Variants in A2ML1 observed in about 807,000 individuals in gnomAD.
A2ML1 encodes the protein alpha-2-macroglobulin-like protein 1.
Under a neutral mutation model 181.9 loss-of-function variants are expected in A2ML1, and 161 were observed. That is an observed-to-expected ratio of 0.89 (90% CI 0.78 to 1.01). The LOEUF (loss-of-function observed/expected upper bound fraction) is 1.01. Ranked by LOEUF, A2ML1 falls within the 50% of genes least tolerant of loss-of-function variation. A2ML1 has a pLI of 0.00. For synonymous variants in A2ML1, 663 were observed against 666.8 expected (o/e 0.99, Z 0.09); for missense variants, 1,670 against 1,768.1 (o/e 0.94, Z 1.00).
At chr12:8,874,574 C>A in intron 34 of A2ML1, 47 bp downstream of exon 34, 1 of 1,434,298 alleles carries the variant, frequency 7.0e-7, no homozygotes, top group South Asian at 1.2e-5. Context: ...ACCTGCATCT[C>A]CCAACTTACT....
chr12:8,823,611 TA>T lies in A2ML1; in HGVS notation c.247-108del, dbSNP rs1445576509. 7.2e-6 allele frequency: 9 copies of T among 1,258,244 alleles called. No individual in the cohort carries two copies. In the African/African-American group the frequency reaches 1.4e-4, roughly 19 times the overall value. 77.9% of individuals were successfully genotyped at this position (1,258,244 alleles called of 1,614,324 possible). A position where few individuals can be genotyped will look rare whatever the true frequency, so the allele number is the denominator to read the frequency against. On this transcript the variant is annotated intron_variant, in intron 2 of 35. Coordinates refer to ENST00000299698, the MANE Select transcript of A2ML1 (RefSeq NM_144670.6). ...ATTTGTTTTATGTCTCTATCCTTGC[TA>T]CCCCCATCTAACTCAGCTCTTTCCT...
chr12:8,852,355 A>G lies in A2ML1; in HGVS notation c.2590+19A>G, dbSNP rs368826484. On this transcript the variant is annotated intron_variant, in intron 20 of 35. Transcript: ENST00000299698. This position sits in a 1 kb window ranked among gnomAD's most constrained non-coding sequence, Gnocchi z 4.2. The stretch of plus-strand genomic sequence containing the variant: ...AAATTGGGTAAGAGAGGGAAGTGGT[A>G]GACGGGCGAGGAAAGCCAGCAGCAG... 241 of 1,613,694 alleles carry G rather than the reference A, an allele frequency of 1.5e-4. No homozygotes were observed. The highest frequency in any genetic ancestry group is 1.1e-4 in the Non-Finnish European group (128 of 1,179,774).
rs1295316421 is a variant in A2ML1, at chr12:8,876,708, C to G, written c.*652C>G. The G allele has an allele frequency of 2.0e-5, 3 of 152,068 alleles. No homozygotes were observed. Among genetic ancestry groups the G allele is most frequent in the African/African-American group, 7.2e-5 (3 of 41,506 alleles). 9.4% of individuals were successfully genotyped at this position (152,068 alleles called of 1,614,324 possible). A position where few individuals can be genotyped will look rare whatever the true frequency, so the allele number is the denominator to read the frequency against. ...AAATAATAATAATAATAATGTTTTT[C>G]TAGAGTTTCAGTCTAAGGGAAAATG... On this transcript the variant is annotated 3_prime_UTR_variant, in exon 36 of 36. Coordinates refer to ENST00000299698, the MANE Select transcript of A2ML1 (RefSeq NM_144670.6).
chr12:8,824,513 CTT>C (rs1422354057), intron 3 of A2ML1, among the ~76,000 whole-genome samples: 3 of 151,892 alleles, frequency 2.0e-5, no homozygotes, highest in African/African-American at 7.3e-5. Flanking sequence ...ATTATACTCT[CTT>C]AGTAATTTTT....
intron 29 of A2ML1, among the ~76,000 whole-genome samples, chr12:8,865,886 A>C (rs992686398): frequency 1.3e-5 from 2 of 152,200 alleles, no homozygotes. Flanking sequence ...TAACTAAGAA[A>C]ATATATTTCT....
chr12:8,852,121 A>T lies in A2ML1; in HGVS notation c.2464-89A>T. ...CAATTTTCCCTGGGAAAGAGAGGAG[A>T]TGTCGGCGTCTCAGCCCCCAGGTTT... On this transcript the variant is annotated intron_variant, in intron 19 of 35. Coordinates refer to ENST00000299698, the MANE Select transcript of A2ML1 (RefSeq NM_144670.6). The surrounding 1 kb of genome is among the most constrained non-coding windows in gnomAD (Gnocchi z 4.2). 1.9e-6 allele frequency: 3 copies of T among 1,590,292 alleles called. No individual in the cohort carries two copies. Among genetic ancestry groups the T allele is most frequent in the Non-Finnish European group, 2.6e-6 (3 of 1,164,822 alleles).
At chr12:8,847,098 CTTTTTTTTTT>C (rs1212257948) in intron 14 of A2ML1, among the ~76,000 whole-genome samples, 3 of 93,302 alleles carry the variant, frequency 3.2e-5, no homozygotes, top group African/African-American at 4.5e-5. Flanking sequence ...CCATGCCTGG[CTTTTTTTTTT>C]TTTTTTTTTT....
chr12:8,865,349 G>A (rs1944390082), intron 29 of A2ML1, among the ~76,000 whole-genome samples: 1 of 151,718 alleles, frequency 6.6e-6, no homozygotes, highest in Non-Finnish European at 1.5e-5. Context: ...AGACCAGCCT[G>A]ACCAACATGG....
chr12:8,847,625 C>T lies in A2ML1; in HGVS notation c.1760C>T (p.Ser587Phe), dbSNP rs1366018648. 1 of 1,613,790 alleles carries T rather than the reference C, an allele frequency of 6.2e-7. No individual in the cohort carries two copies. Among genetic ancestry groups the T allele is most frequent in the Admixed American group, 1.7e-5 (1 of 59,990 alleles). The change falls in exon 15 of 36, where the codon TCC becomes TTC. Residue 587 changes from serine (S) to phenylalanine (F), a missense_variant. Physicochemically the swap from Ser to Phe is radical, Grantham distance 155. Transcript: ENST00000299698. The part of the protein sequence containing the change: ...VELQLQAAPG[S>F]LCALRAVDES... ...CTGCAGCTGCAGGCAGCTCCCGGAT[C>T]CCTGTGTGCGCTCCGGGCGGTGGAT...
chr12:8,851,946 A>G lies in A2ML1; in HGVS notation c.2397A>G (p.Ser799=). 1 of 1,614,170 alleles carries G rather than the reference A, an allele frequency of 6.2e-7. No homozygotes were observed. The highest frequency in any genetic ancestry group is 1.1e-5 in the South Asian group (1 of 91,076). Residue 799 remains serine (S), a synonymous_variant, in exon 19 of 36, where the codon TCA becomes TCG. Coordinates refer to ENST00000299698, the MANE Select transcript of A2ML1 (RefSeq NM_144670.6). ...PFFVDLTLPY[S]VVRGESFRLT... is the part of the protein sequence containing the mutation. Reference sequence around the variant, plus strand: ...TTGTTGACCTGACTCTCCCTTACTCAGTAGTCCGTGGGGAATCCTTTCGTC... The same window carrying G: ...TTGTTGACCTGACTCTCCCTTACTCGGTAGTCCGTGGGGAATCCTTTCGTC...
At chr12:8,853,716 A>T (rs1164478134) in intron 20 of A2ML1, among the ~76,000 whole-genome samples, 4 of 152,162 alleles carry the variant, frequency 2.6e-5, no homozygotes, top group African/African-American at 9.7e-5. Flanking sequence ...CTGCCTCATC[A>T]CACAACAGCT....
chr12:8,867,765 TG>T, intron 29 of A2ML1, 76 bp from the exon 30 acceptor site: 1 of 1,283,080 alleles, frequency 7.8e-7, no homozygotes, highest in African/African-American at 1.5e-5. Context: ...CAACCAGATG[TG>T]TGGGTTATAG....
At position 8,869,218 on chromosome 12, in the gene A2ML1, A is replaced by T; in HGVS notation, c.4221+15A>T. 4 of 1,613,526 alleles carry T rather than the reference A, an allele frequency of 2.5e-6. No homozygotes were observed. Among genetic ancestry groups the T allele is most frequent in the Non-Finnish European group, 3.4e-6 (4 of 1,179,564 alleles). ...ACTTGGATGAGGTAGGTATTCAGGAACCAGATCAAAGAGCTGGATTGCTTA... is the reference window on the plus strand; with the variant it reads ...ACTTGGATGAGGTAGGTATTCAGGATCCAGATCAAAGAGCTGGATTGCTTA... On this transcript the variant is annotated intron_variant, in intron 33 of 35. Coordinates refer to ENST00000299698, the MANE Select transcript of A2ML1 (RefSeq NM_144670.6).
intron 8 of A2ML1, among the ~76,000 whole-genome samples, chr12:8,837,907 A>T (rs907496378): frequency 2.0e-5 from 3 of 151,680 alleles, no homozygotes; most frequent in Admixed American, 6.6e-5. Context: ...AAAAAAAAAA[A>T]AAGAACGTAT....
exon 8 of A2ML1, chr12:8,886,507 G>A (rs954444246): frequency 6.6e-6 from 1 of 152,008 alleles, no homozygotes; most frequent in Non-Finnish European, 1.5e-5. Context: ...TTTTCCTTAG[G>A]TTCTTTTAAA....
In A2ML1 at chr12:8,865,215, TAAACAAAAAC is replaced by T. The variant is rs1227668652; in HGVS notation, c.3717+1220_3717+1229del. Among the ~76,000 whole-genome samples the T allele has an allele frequency of 9.4e-4, 13 of 13,872 alleles. 5 individuals carry two copies. Among genetic ancestry groups the T allele is most frequent in the African/African-American group, 8.4e-4 (11 of 13,024 alleles). 9.1% of individuals were successfully genotyped at this position (13,872 alleles called of 152,430 possible). On this transcript the variant is annotated intron_variant, in intron 29 of 35. Coordinates refer to ENST00000299698, the MANE Select transcript of A2ML1 (RefSeq NM_144670.6). Reference sequence around the variant, plus strand: ...CAGCACTCTGTGTCAACAACAACAATAAACAAAAACAAACAAAAACAACAACAAACAAAAA... The same window carrying T: ...CAGCACTCTGTGTCAACAACAACAATAAACAAAAACAACAACAAACAAAAA...
rs200346409 is a variant in A2ML1, at chr12:8,850,229, G to T, written c.2189G>T (p.Arg730Leu). 6.2e-7 allele frequency: 1 copy of T among 1,613,168 alleles called. No homozygotes were observed. The highest frequency in any genetic ancestry group is 1.7e-5 in the Admixed American group (1 of 59,922). ...CATCAAGCAGAGGATTCTCAGGTCC[G>T]CCAGTACTTCCCAGAGACCTGGCTC... ...PLHQAEDSQVRQYFPETWLWD... is the reference protein window; with the variant it reads ...PLHQAEDSQVLQYFPETWLWD... Residue 730 changes from arginine (R) to leucine (L), a missense_variant, in exon 18 of 36, where the codon CGC (arginine) becomes CTC (leucine). By Grantham distance (102) the Arg-to-Leu change is moderately radical. Coordinates refer to ENST00000299698, the MANE Select transcript of A2ML1 (RefSeq NM_144670.6).
chr12:8,861,006 C>G (rs1379644046), intron 27 of A2ML1, 51 bp downstream of exon 27: 1 of 1,609,974 alleles, frequency 6.2e-7, no homozygotes, highest in South Asian at 1.1e-5. Flanking sequence ...ATGCGTATTC[C>G]TAGAGACATT....
rs766743301 is a variant in A2ML1 at position 8,829,795 on chromosome 12, GAGA to G, written c.462+19_462+21del. On this transcript the variant is annotated intron_variant, in intron 4 of 35. Coordinates refer to ENST00000299698, the MANE Select transcript of A2ML1 (RefSeq NM_144670.6). Reference sequence around the variant, plus strand: ...GAATGACAAGGTGAGTTGGGAGGAGGAGAAGGAGTGGCGCAGGGAGAACAGGGA... The same window carrying G: ...GAATGACAAGGTGAGTTGGGAGGAGGAGGAGTGGCGCAGGGAGAACAGGGA... The G allele has an allele frequency of 2.2e-5, 36 of 1,613,788 alleles. No individual in the cohort carries two copies. The highest frequency in any genetic ancestry group is 1.3e-4 in the South Asian group (12 of 90,934).
Sources: gnomAD v4.1 joint callset for allele counts (sites outside exome capture counted in the v4.1 genomes callset) on GRCh38, gnomAD v4.1.1 for gene constraint, Gnocchi (gnomAD v3.1) non-coding constraint, MANE v1.5 for transcripts, NCBI Gene and HGNC (gene_info 2026-07-23, HGNC 2026-07-21) for gene names.